The following SPOCK3 variants were observed in gnomAD, a reference collection of about 807,000 sequenced individuals.
SPOCK3 encodes the protein testican-3.
Under a neutral mutation model 56.6 loss-of-function variants are expected in SPOCK3, and 30 were observed. That is an observed-to-expected ratio of 0.53 (90% CI 0.40 to 0.72). The LOEUF (loss-of-function observed/expected upper bound fraction) is 0.72. Among genes scored for constraint, SPOCK3 ranks in the 30% least tolerant of loss-of-function variants. SPOCK3 has a pLI of 0.00. For synonymous variants in SPOCK3, 196 were observed against 183.3 expected, an observed-to-expected ratio of 1.07 and a Z score of -0.56; for missense variants, 527 against 530.0, an observed-to-expected ratio of 0.99 and a Z score of 0.06.
intron 4 of SPOCK3, among the ~76,000 whole-genome samples, chr4:166,957,477 T>C (rs944149444): frequency 2.6e-5 from 4 of 152,162 alleles, no homozygotes; most frequent in African/African-American, 7.2e-5. Flanking sequence ...TTCATTCTTC[T>C]CCATCTCACT....
intron 2 of SPOCK3, among the ~76,000 whole-genome samples, chr4:167,182,431 C>T (rs1348185850): frequency 6.6e-6 from 1 of 151,424 alleles, no homozygotes. Context: ...AAAATCTACT[C>T]CTGAGTCTTA....
At chr4:166,900,627 G>A (rs1735938522) in intron 5 of SPOCK3, among the ~76,000 whole-genome samples, 2 of 152,164 alleles carry the variant, frequency 1.3e-5, no homozygotes, top group African/African-American at 4.8e-5. Context: ...GGAGGCCTTA[G>A]GGATTCAAAC....
At chr4:166,996,086 G>A (rs1205423978) in intron 4 of SPOCK3, among the ~76,000 whole-genome samples, 1 of 151,976 alleles carries the variant, frequency 6.6e-6, no homozygotes, top group Non-Finnish European at 1.5e-5. Context: ...TAAATTTTAG[G>A]ACTCACTTTT....
intron 5 of SPOCK3, 97 bp downstream of exon 5, chr4:166,912,523 T>A: frequency 8.6e-7 from 1 of 1,168,362 alleles, no homozygotes; most frequent in Non-Finnish European, 1.2e-6. Context: ...GTTAAATGAA[T>A]AATTTGAATT....
chr4:166,988,244 C>T (rs1487160356), intron 4 of SPOCK3, among the ~76,000 whole-genome samples: 1 of 151,850 alleles, frequency 6.6e-6, no homozygotes, highest in Non-Finnish European at 1.5e-5. Flanking sequence ...AGAATAGAAG[C>T]CACTGTCCTG....
chr4:166,858,676 T>TTTA (rs1288231921), intron 6 of SPOCK3, among the ~76,000 whole-genome samples: 2 of 152,080 alleles, frequency 1.3e-5, no homozygotes, highest in Non-Finnish European at 2.9e-5. Context: ...ATGGAGATCA[T>TTTA]TTACTAAAAT....
At position 166,806,965 on chromosome 4, in the gene SPOCK3, T is replaced by C. The variant is rs182350398; in HGVS notation, c.590-14676A>G. ...AAGAGATTAACAACAATAACTAATA[T>C]AAAAATAAAATTATTATAATATACT... On this transcript the variant is annotated intron_variant, in intron 6 of 10. Transcript: ENST00000357545. 3.4e-3 allele frequency among the ~76,000 whole-genome samples: 511 copies of C among 151,942 alleles called. 5 individuals carry two copies. The highest frequency in any genetic ancestry group is 2.2e-3 in the Non-Finnish European group (151 of 67,910).
At chr4:167,090,676 T>C (rs944970662) in intron 2 of SPOCK3, among the ~76,000 whole-genome samples, 8 of 152,076 alleles carry the variant, frequency 5.3e-5, no homozygotes, top group African/African-American at 1.9e-4. Flanking sequence ...GCTAATTTTG[T>C]ATTTTTAGTA....
At chr4:167,159,184 G>T (rs62353582) in intron 2 of SPOCK3, among the ~76,000 whole-genome samples, 1 of 151,810 alleles carries the variant, frequency 6.6e-6, no homozygotes, top group Non-Finnish European at 1.5e-5. Flanking sequence ...TAACTATCTC[G>T]CATAACTACT....
At chr4:166,780,349 TA>T (rs1006014603) in intron 7 of SPOCK3, among the ~76,000 whole-genome samples, 4 of 151,732 alleles carry the variant, frequency 2.6e-5, no homozygotes, top group East Asian at 3.9e-4. Context: ...CTGGAAACCA[TA>T]AAAAAAAGAA....
intron 4 of SPOCK3, among the ~76,000 whole-genome samples, chr4:166,965,273 G>A (rs571568134): frequency 6.1e-4 from 92 of 151,930 alleles, no homozygotes; most frequent in Non-Finnish European, 1.1e-3. Context: ...GCCTTTTGCT[G>A]TTGTTTTCAT....
intron 3 of SPOCK3, among the ~76,000 whole-genome samples, chr4:167,028,377 C>CAAT (rs1751926697): frequency 1.6e-5 from 2 of 127,612 alleles, no homozygotes; most frequent in African/African-American, 7.0e-5. Context: ...ACCGGTAAAA[C>CAAT]AACAACAACA....
At chr4:167,130,128 C>G (rs144894559) in intron 2 of SPOCK3, among the ~76,000 whole-genome samples, 1 of 152,040 alleles carries the variant, frequency 6.6e-6, no homozygotes, top group Non-Finnish European at 1.5e-5. Flanking sequence ...CCGTCTTCCC[C>G]GCTCAGCTTC....
intron 6 of SPOCK3, among the ~76,000 whole-genome samples, chr4:166,817,790 G>T (rs977176184): frequency 6.6e-6 from 1 of 152,018 alleles, no homozygotes; most frequent in Admixed American, 6.6e-5. Context: ...GGCAGAGAGA[G>T]ATATAATACA....
chr4:166,925,368 C>T (rs1051140798), intron 4 of SPOCK3, among the ~76,000 whole-genome samples: 1 of 151,898 alleles, frequency 6.6e-6, no homozygotes, highest in Non-Finnish European at 1.5e-5. Context: ...AATAGTAGAA[C>T]TACAAAATAG....
intron 4 of SPOCK3, among the ~76,000 whole-genome samples, chr4:166,913,885 C>T (rs1561003180): frequency 6.6e-6 from 1 of 151,930 alleles, no homozygotes; most frequent in East Asian, 1.9e-4. Context: ...ACATTAAAAC[C>T]TTGCTTTGCT....
At chr4:167,193,292 G>A (rs567209554) in intron 2 of SPOCK3, among the ~76,000 whole-genome samples, 3 of 144,346 alleles carry the variant, frequency 2.1e-5, no homozygotes, top group Admixed American at 1.4e-4. Context: ...ATATCTGTTC[G>A]AGGTTTGTGC....
chr4:166,987,318 C>T (rs1561088583), intron 4 of SPOCK3, among the ~76,000 whole-genome samples: 1 of 152,256 alleles, frequency 6.6e-6, no homozygotes, highest in East Asian at 1.9e-4. Flanking sequence ...TTTCTTTTCA[C>T]TCAAGTAATT....
At chr4:167,229,622 A>C (rs1736951793) in intron 2 of SPOCK3, among the ~76,000 whole-genome samples, 1 of 152,114 alleles carries the variant, frequency 6.6e-6, no homozygotes. Flanking sequence ...AGGCAAATAA[A>C]AAGAAAAAAC....
Sources: gnomAD v4.1 joint callset for allele counts (sites outside exome capture counted in the v4.1 genomes callset) on GRCh38, gnomAD v4.1.1 for gene constraint, MANE v1.5 for transcripts, NCBI Gene and HGNC (gene_info 2026-07-23, HGNC 2026-07-21) for gene names.